TEAD1: variants seen among roughly 807,000 people sequenced by gnomAD.
TEAD1 encodes transcriptional enhancer factor TEF-1.
A neutral mutation model predicts 54.9 loss-of-function variants in TEAD1; 9 were observed. The observed-to-expected ratio is 0.16, with a 90% CI of 0.10 to 0.29. The LOEUF is 0.29. Among genes scored for constraint, TEAD1 ranks in the 10% least tolerant of loss-of-function variants. The pLI, the probability that TEAD1 is intolerant of heterozygous loss-of-function variation, is 1.00. For synonymous variants in TEAD1, 200 were observed against 187.8 expected (o/e 1.07, Z -0.53); for missense variants, 387 against 535.9 (o/e 0.72, Z 2.74).
rs1564931986 is a variant in TEAD1, at chr11:12,764,290, A to G, written c.58A>G (p.Ser20Gly). 4 of 1,614,096 alleles carry G rather than the reference A, an allele frequency of 2.5e-6. No individual in the cohort carries two copies. The highest frequency in any genetic ancestry group is 3.4e-6 in the Non-Finnish European group (4 of 1,180,028). The stretch of plus-strand genomic sequence containing the variant: ...CCCTGCCGAAAACATGGAAAGGATG[A>G]GTGACTCTGCAGATAAGCCAATTGA... The change falls in exon 3 of 13, where the codon AGT becomes GGT. Residue 20 changes from serine to glycine, a missense_variant. Physicochemically the swap from Ser to Gly is moderately conservative, Grantham distance 56 (BLOSUM62 0). This residue lies in a region of TEAD1 where 55 missense variants were observed against 50.4 expected (regional missense o/e 1.09). Transcript: ENST00000527636.
At chr11:12,695,260 G>C (rs1031768640) in intron 2 of TEAD1, among the ~76,000 whole-genome samples, 6 of 152,228 alleles carry the variant, frequency 3.9e-5, no homozygotes, top group Non-Finnish European at 1.5e-5. Context: ...ATTTCTGGCT[G>C]TGGTTCTCCA....
intron 2 of TEAD1, among the ~76,000 whole-genome samples, chr11:12,717,366 C>T (rs1944087336): frequency 6.6e-6 from 1 of 152,158 alleles, no homozygotes; most frequent in Non-Finnish European, 1.5e-5. Flanking sequence ...CCCTTCATTC[C>T]TGAGTGTCTT....
At chr11:12,683,369 G>A (rs144145921) in intron 2 of TEAD1, among the ~76,000 whole-genome samples, 140 of 152,250 alleles carry the variant, frequency 9.2e-4, no homozygotes, top group Middle Eastern at 6.8e-3. Flanking sequence ...ATTGTGGATG[G>A]GTGTTGCCTT....
chr11:12,818,999 A>AT (rs2133999600), intron 3 of TEAD1, among the ~76,000 whole-genome samples: 1 of 152,272 alleles, frequency 6.6e-6, no homozygotes, highest in South Asian at 2.1e-4. Flanking sequence ...TCAATTCCTT[A>AT]TTTTTTGTTT....
At chr11:12,908,332 C>G (rs571143674) in intron 10 of TEAD1, among the ~76,000 whole-genome samples, 1 of 152,256 alleles carries the variant, frequency 6.6e-6, no homozygotes, top group Non-Finnish European at 1.5e-5. Context: ...TCGAACTAGT[C>G]AATCCTTAAT....
At chr11:12,791,952 C>G (rs1945811525) in intron 3 of TEAD1, among the ~76,000 whole-genome samples, 1 of 152,092 alleles carries the variant, frequency 6.6e-6, no homozygotes, top group Admixed American at 6.5e-5. Context: ...CTGAAAGATC[C>G]AGGAGTAACA....
rs1172935233 is a variant in TEAD1 at position 12,734,388 on chromosome 11, C to G, written c.-54-29791C>G. ...AAAAATTAAAAAATGTGTAAAGTTG[C>G]AGTGAGCTAAGGTTATTTTATAATT... On this transcript the variant is annotated intron_variant, in intron 2 of 12. Coordinates refer to ENST00000527636, the MANE Select transcript of TEAD1 (RefSeq NM_021961.6). Among the ~76,000 whole-genome samples, 13 of 151,994 alleles carry G rather than the reference C, an allele frequency of 8.6e-5. 1 individual carries two copies. The highest frequency in any genetic ancestry group is 8.5e-4 in the Admixed American group (13 of 15,258).
At chr11:12,910,268 A>G (rs1381318040) in intron 10 of TEAD1, among the ~76,000 whole-genome samples, 1 of 152,218 alleles carries the variant, frequency 6.6e-6, no homozygotes, top group Non-Finnish European at 1.5e-5. Context: ...TACAGAAGGA[A>G]ATAAAATTAC....
At chr11:12,692,619 G>A (rs1379209777) in intron 2 of TEAD1, among the ~76,000 whole-genome samples, 4 of 152,280 alleles carry the variant, frequency 2.6e-5, no homozygotes, top group East Asian at 3.9e-4. Flanking sequence ...TTCCTCCGTG[G>A]GCACTGAGAG....
intron 3 of TEAD1, among the ~76,000 whole-genome samples, chr11:12,798,667 C>G (rs558617456): frequency 6.6e-6 from 1 of 152,228 alleles, no homozygotes; most frequent in Non-Finnish European, 1.5e-5. Context: ...AAGTTCTCAT[C>G]TGTAATTACC....
chr11:12,855,984 T>C (rs1947369272), intron 3 of TEAD1, among the ~76,000 whole-genome samples: 1 of 151,362 alleles, frequency 6.6e-6, no homozygotes, highest in Admixed American at 6.6e-5. Context: ...GGCATATGAC[T>C]AGAAGGCAGT....
intron 3 of TEAD1, among the ~76,000 whole-genome samples, chr11:12,823,849 T>G (rs553003909): frequency 1.6e-4 from 25 of 152,246 alleles, no homozygotes; most frequent in Non-Finnish European, 2.9e-4. Flanking sequence ...TGACAGTTGT[T>G]GAGGGATACA....
At chr11:12,803,017 C>T (rs530356160) in intron 3 of TEAD1, among the ~76,000 whole-genome samples, 1 of 151,974 alleles carries the variant, frequency 6.6e-6, no homozygotes, top group Admixed American at 6.6e-5. Context: ...AGCAAGAAGC[C>T]GAGGAGACTT....
chr11:12,825,865 A>C (rs1946641980), intron 3 of TEAD1, among the ~76,000 whole-genome samples: 1 of 152,266 alleles, frequency 6.6e-6, no homozygotes, highest in African/African-American at 2.4e-5. Context: ...AAACCATTAC[A>C]TTATTGTCAA....
chr11:12,682,445 C>G (rs1260177144), intron 2 of TEAD1, among the ~76,000 whole-genome samples: 1 of 152,086 alleles, frequency 6.6e-6, no homozygotes, highest in Non-Finnish European at 1.5e-5. Context: ...GGAGTTCTGT[C>G]TGGCTGCTTA....
chr11:12,845,256 C>T (rs1388174563), intron 3 of TEAD1, among the ~76,000 whole-genome samples: 2 of 152,038 alleles, frequency 1.3e-5, no homozygotes, highest in African/African-American at 4.8e-5. Flanking sequence ...GCCACTGTGC[C>T]GGGCCTAGAA....
intron 3 of TEAD1, among the ~76,000 whole-genome samples, chr11:12,777,385 C>T (rs565749132): frequency 1.3e-5 from 2 of 152,282 alleles, no homozygotes; most frequent in South Asian, 4.1e-4. Flanking sequence ...TTCCCTGGGT[C>T]TGCCTCTGTG....
At chr11:12,704,940 C>T (rs1462998228) in intron 2 of TEAD1, among the ~76,000 whole-genome samples, 3 of 152,220 alleles carry the variant, frequency 2.0e-5, no homozygotes, top group African/African-American at 7.2e-5. Flanking sequence ...TGAAAACATA[C>T]ACCGTGTGTA....
intron 3 of TEAD1, among the ~76,000 whole-genome samples, chr11:12,808,325 C>T (rs1023177455): frequency 2.6e-5 from 4 of 152,228 alleles, no homozygotes; most frequent in Admixed American, 6.5e-5. Context: ...TTCCACCAGG[C>T]GCCATTCCTG....
Sources: gnomAD v4.1 joint callset for allele counts (sites outside exome capture counted in the v4.1 genomes callset) on GRCh38, gnomAD v4.1.1 for gene constraint, gnomAD v4.1.1 regional missense constraint, MANE v1.5 for transcripts, NCBI Gene and HGNC (gene_info 2026-07-23, HGNC 2026-07-21) for gene names.